Variants in DCAF8L2 observed in about 807,000 individuals in gnomAD.
The protein encoded by DCAF8L2 is DDB1 and CUL4 associated factor 8 like 2, also known as DDB1- and CUL4-associated factor 8-like protein 2.
For missense variants in DCAF8L2, 430 were observed against 490.7 expected, an observed-to-expected ratio of 0.88 and a Z score of 1.17; for synonymous variants, 200 against 190.9, an observed-to-expected ratio of 1.05 and a Z score of -0.39.
At chrX:27,598,989 A>G (rs1021401265) in intron 1 of DCAF8L2, among the ~76,000 whole-genome samples, 7 of 106,719 alleles carry the variant, frequency 6.6e-5, no homozygotes, top group Non-Finnish European at 1.2e-4. Flanking sequence ...ATATATATAT[A>G]TATGATCCAG....
chrX:27,550,661 A>AC, the DCAF8L2 span, among the ~76,000 whole-genome samples: 18 of 107,133 alleles, frequency 1.7e-4, no homozygotes, highest in African/African-American at 6.0e-4. Context: ...GTATTCATTG[A>AC]CCAACCTCTC....
intron 2 of DCAF8L2, among the ~76,000 whole-genome samples, chrX:27,656,770 A>G (rs1381908183): frequency 8.9e-6 from 1 of 111,963 alleles, no homozygotes; most frequent in African/African-American, 3.2e-5. Flanking sequence ...GCTAAGATCC[A>G]GAACACTAAC....
intron 2 of DCAF8L2, among the ~76,000 whole-genome samples, chrX:27,650,746 A>G (rs1929116461): frequency 1.8e-5 from 2 of 112,038 alleles, no homozygotes; most frequent in Admixed American, 1.9e-4. Context: ...ATGAAGAGAT[A>G]TAGTTTAACT....
chrX:27,705,865 T>G (rs1931325911), intron 3 of DCAF8L2, among the ~76,000 whole-genome samples: 1 of 111,812 alleles, frequency 8.9e-6, no homozygotes, highest in Non-Finnish European at 1.9e-5. Context: ...ATTTGCTAGT[T>G]TCTATGTCCA....
chrX:27,538,060 C>T, the DCAF8L2 span, among the ~76,000 whole-genome samples: 1 of 111,237 alleles, frequency 9.0e-6, no homozygotes, highest in African/African-American at 3.3e-5. Context: ...AAAAACCCTC[C>T]ACCTCCCCAG....
At chrX:27,693,534 T>A (rs1233670308) in intron 3 of DCAF8L2, among the ~76,000 whole-genome samples, 7 of 111,436 alleles carry the variant, frequency 6.3e-5, no homozygotes, top group Non-Finnish European at 1.3e-4. Flanking sequence ...CCTGTCCATA[T>A]AGAAACCTGT....
chrX:27,587,151 T>G (rs1350274567), upstream of DCAF8L2, among the ~76,000 whole-genome samples: 1 of 111,658 alleles, frequency 9.0e-6, no homozygotes, highest in Non-Finnish European at 1.9e-5. Context: ...TATGAAGGAT[T>G]TTTAATAATA....
intron 2 of DCAF8L2, among the ~76,000 whole-genome samples, chrX:27,667,868 A>C (rs1275424954): frequency 1.8e-5 from 2 of 112,332 alleles, no homozygotes; most frequent in Non-Finnish European, 3.8e-5. Flanking sequence ...TTGTTATTTT[A>C]CATATAAAAG....
chrX:27,654,247 C>T (rs970565795), intron 2 of DCAF8L2, among the ~76,000 whole-genome samples: 3 of 110,818 alleles, frequency 2.7e-5, no homozygotes, highest in Admixed American at 9.7e-5. Flanking sequence ...CTGTGATACA[C>T]GTAGCATGTG....
intron 1 of DCAF8L2, among the ~76,000 whole-genome samples, chrX:27,625,432 G>A (rs926755903): frequency 1.5e-4 from 17 of 111,897 alleles, no homozygotes; most frequent in South Asian, 7.4e-4. Flanking sequence ...AAATTCAGCC[G>A]CTGTGGAAAG....
intron 1 of DCAF8L2, among the ~76,000 whole-genome samples, chrX:27,628,098 A>C (rs1928119771): frequency 9.0e-6 from 1 of 110,665 alleles, no homozygotes; most frequent in African/African-American, 3.3e-5. Context: ...AATTTCCCCC[A>C]CTTTCCAACC....
chrX:27,480,634 C>T, the DCAF8L2 span, among the ~76,000 whole-genome samples: 1 of 111,917 alleles, frequency 8.9e-6, no homozygotes, highest in African/African-American at 3.2e-5. Flanking sequence ...TTCCTGACAT[C>T]TGGTAACACT....
Position 27,713,810 on chromosome X carries a change from G to T in DCAF8L2, c.-142-2278G>T, listed in dbSNP as rs911442566. 4.5e-5 allele frequency among the ~76,000 whole-genome samples: 5 copies of T among 111,507 alleles called. No homozygotes were observed. In the Admixed American group the frequency reaches 4.8e-4, roughly 11 times the overall value. Reference sequence around the variant, plus strand: ...TCCAATGAAACTTGATTTACTAACAGATGAAAGGCAGGGTTGGGTTGTGGG... The same window carrying T: ...TCCAATGAAACTTGATTTACTAACATATGAAAGGCAGGGTTGGGTTGTGGG... On this transcript the variant is annotated intron_variant, in intron 3 of 4. Transcript: ENST00000451261.
At chrX:27,486,258 G>T in the DCAF8L2 span, among the ~76,000 whole-genome samples, 1 of 109,600 alleles carries the variant, frequency 9.1e-6, no homozygotes, top group Non-Finnish European at 1.9e-5. Flanking sequence ...CACCCACCTC[G>T]GCCTCCCAAA....
chrX:27,527,284 A>G, the DCAF8L2 span, among the ~76,000 whole-genome samples: 1 of 111,968 alleles, frequency 8.9e-6, no homozygotes, highest in African/African-American at 3.2e-5. Context: ...CTGCTGTGCT[A>G]GCAATGAGCA....
At chrX:27,696,334 A>G (rs2201236) in intron 3 of DCAF8L2, among the ~76,000 whole-genome samples, 328 of 32,557 alleles carry the variant, frequency 0.01, 9 homozygotes, top group African/African-American at 0.033. Flanking sequence ...AAGAAAGAAA[A>G]AGAAAGAAAG....
the DCAF8L2 span, among the ~76,000 whole-genome samples, chrX:27,567,747 G>T: frequency 9.3e-6 from 1 of 107,636 alleles, no homozygotes; most frequent in African/African-American, 3.4e-5. Flanking sequence ...GAGAGGGGCT[G>T]AAGAAAGCAG....
At chrX:27,469,168 G>A in the DCAF8L2 span, among the ~76,000 whole-genome samples, 1 of 112,208 alleles carries the variant, frequency 8.9e-6, no homozygotes, top group African/African-American at 3.2e-5. Flanking sequence ...TTAAGCTCAT[G>A]TAAATTTTAG....
At chrX:27,557,856 C>T in the DCAF8L2 span, among the ~76,000 whole-genome samples, 1 of 111,187 alleles carries the variant, frequency 9.0e-6, no homozygotes, top group East Asian at 2.8e-4. Flanking sequence ...ACATATACTT[C>T]TCTATGCACA....
Sources: gnomAD v4.1 joint callset for allele counts (sites outside exome capture counted in the v4.1 genomes callset) on GRCh38, gnomAD v4.1.1 for gene constraint, MANE v1.5 for transcripts, NCBI Gene and HGNC (gene_info 2026-07-23, HGNC 2026-07-21) for gene names.